RSU1: variants seen among roughly 807,000 people sequenced by gnomAD.
RSU1 encodes rsu-1.
In RSU1, 26 loss-of-function variants were observed where a neutral mutation model predicts 31.1. The observed-to-expected ratio is 0.84, with a 90% CI of 0.61 to 1.16. The LOEUF is 1.16. Ranked by LOEUF, RSU1 falls within the 50% of genes most tolerant of loss-of-function variation. The pLI, the probability that RSU1 is intolerant of heterozygous loss-of-function variation, is 0.00. For missense variants in RSU1, 320 were observed against 339.1 expected (o/e 0.94, Z 0.44); for synonymous variants, 164 against 136.3 (o/e 1.20, Z -1.41).
intron 2 of RSU1, among the ~76,000 whole-genome samples, chr10:16,789,343 A>C (rs1346340267): frequency 6.6e-6 from 1 of 152,244 alleles, no homozygotes; most frequent in South Asian, 2.1e-4. Flanking sequence ...GAAAAACAAG[A>C]GCAGAAAAGA....
intron 8 of RSU1, among the ~76,000 whole-genome samples, chr10:16,624,446 C>T (rs1021794084): frequency 2.0e-5 from 3 of 152,126 alleles, no homozygotes; most frequent in African/African-American, 7.2e-5. Flanking sequence ...CCAACTATTT[C>T]TGCCCATGAC....
intron 8 of RSU1, among the ~76,000 whole-genome samples, chr10:16,638,496 T>C (rs1176469344): frequency 6.6e-6 from 1 of 152,172 alleles, no homozygotes; most frequent in Non-Finnish European, 1.5e-5. Flanking sequence ...TGCTGTAAAG[T>C]AGTCAATCAC....
chr10:16,752,681 A>G (rs375073634), intron 6 of RSU1, 28 bp from the exon 7 acceptor site: 6 of 1,517,124 alleles, frequency 4.0e-6, no homozygotes, highest in South Asian at 1.1e-5. Context: ...AGTTGTCAAC[A>G]TATTTACACA....
At chr10:16,716,864 A>T (rs1299124522) in intron 7 of RSU1, among the ~76,000 whole-genome samples, 1 of 152,130 alleles carries the variant, frequency 6.6e-6, no homozygotes. Context: ...ATACAGACTG[A>T]TTTCATCACT....
intron 4 of RSU1, among the ~76,000 whole-genome samples, chr10:16,761,526 C>T (rs1837211357): frequency 6.6e-6 from 1 of 152,106 alleles, no homozygotes; most frequent in East Asian, 1.9e-4. Context: ...ACTGACAATT[C>T]CCAGGCCCCA....
intron 2 of RSU1, among the ~76,000 whole-genome samples, chr10:16,785,313 T>C (rs1158917353): frequency 6.6e-6 from 1 of 151,856 alleles, no homozygotes; most frequent in Non-Finnish European, 1.5e-5. Flanking sequence ...CTGGCTTTCA[T>C]TGCTCCTCAG....
chr10:16,651,770 T>C (rs1327224939), intron 8 of RSU1, among the ~76,000 whole-genome samples: 2 of 152,242 alleles, frequency 1.3e-5, no homozygotes, highest in Non-Finnish European at 2.9e-5. Flanking sequence ...CTTTAAAAGC[T>C]TGACTTACAG....
At chr10:16,716,127 C>A (rs1836134804) in intron 7 of RSU1, among the ~76,000 whole-genome samples, 1 of 152,096 alleles carries the variant, frequency 6.6e-6, no homozygotes, top group Non-Finnish European at 1.5e-5. Context: ...AATCATCACA[C>A]AGAGATTATG....
intron 8 of RSU1, among the ~76,000 whole-genome samples, chr10:16,622,573 C>A (rs546512287): frequency 6.6e-6 from 1 of 152,048 alleles, no homozygotes; most frequent in African/African-American, 2.4e-5. Flanking sequence ...ACAGGTGCAA[C>A]CTGAACTAAA....
At chr10:16,757,010 G>C (rs1837103197) in intron 4 of RSU1, among the ~76,000 whole-genome samples, 1 of 149,156 alleles carries the variant, frequency 6.7e-6, no homozygotes, top group Non-Finnish European at 1.5e-5. Context: ...TTGGGGGTGT[G>C]GTGGTGTGTG....
At chr10:16,723,340 G>T (rs1836321648) in intron 7 of RSU1, 1 of 152,080 alleles carries the variant, frequency 6.6e-6, no homozygotes, top group South Asian at 2.1e-4. Context: ...TTAAACCTGT[G>T]TCTATTTTTA....
chr10:16,683,580 C>T (rs753433556), intron 8 of RSU1, among the ~76,000 whole-genome samples: 1 of 152,064 alleles, frequency 6.6e-6, no homozygotes, highest in African/African-American at 2.4e-5. Flanking sequence ...TTTTATATGG[C>T]AAATTTACCA....
intron 3 of RSU1, among the ~76,000 whole-genome samples, chr10:16,779,853 A>C (rs1032209165): frequency 4.6e-5 from 7 of 152,228 alleles, no homozygotes; most frequent in African/African-American, 1.7e-4. Flanking sequence ...ATGCCAGAAA[A>C]ATAGTAAAGG....
At chr10:16,665,808 A>G (rs1288257225) in intron 8 of RSU1, among the ~76,000 whole-genome samples, 2 of 152,208 alleles carry the variant, frequency 1.3e-5, no homozygotes, top group Non-Finnish European at 2.9e-5. Flanking sequence ...AAATTTAGAC[A>G]AATTTCTATT....
At chr10:16,782,297 G>A (rs1185859363) in intron 2 of RSU1, among the ~76,000 whole-genome samples, 1 of 152,178 alleles carries the variant, frequency 6.6e-6, no homozygotes. Flanking sequence ...AATTAGCTCA[G>A]CAAGTTAGAG....
intron 7 of RSU1, among the ~76,000 whole-genome samples, chr10:16,714,604 G>A (rs572773913): frequency 9.0e-4 from 137 of 152,196 alleles, no homozygotes; most frequent in Non-Finnish European, 1.5e-3. Context: ...GTTCCCTGGG[G>A]GGTGGGGGGA....
Position 16,663,950 on chromosome 10 carries a change from G to A in RSU1, c.731+31073C>T, listed in dbSNP as rs527698472. 9.9e-5 allele frequency among the ~76,000 whole-genome samples: 15 copies of A among 152,212 alleles called. No homozygotes were observed. In the South Asian group the frequency reaches 1.5e-3, roughly 15 times the overall value. On this transcript the variant is annotated intron_variant, in intron 8 of 8. Transcript: ENST00000345264. ...TGGGTAGTAGTGGGGTCTTTCTTGG[G>A]CAGTGACGGGTACAGGGGCATTTTC...
intron 8 of RSU1, among the ~76,000 whole-genome samples, chr10:16,628,911 C>T (rs1052336122): frequency 1.3e-5 from 2 of 152,164 alleles, no homozygotes; most frequent in Non-Finnish European, 2.9e-5. Context: ...ACACAAGCAG[C>T]AAGGTCCATG....
chr10:16,676,588 T>G (rs1455608288), intron 8 of RSU1, among the ~76,000 whole-genome samples: 1 of 152,228 alleles, frequency 6.6e-6, no homozygotes, highest in South Asian at 2.1e-4. Context: ...AGAAGTATTT[T>G]GGATTTCAGA....
Sources: allele counts gnomAD v4.1 joint callset (sites outside exome capture counted in the v4.1 genomes callset), GRCh38; gene constraint gnomAD v4.1.1; transcripts MANE v1.5; gene names NCBI Gene and HGNC (gene_info 2026-07-23, HGNC 2026-07-21).